Variants in ARMC2 observed in about 807,000 individuals in gnomAD.
ARMC2 encodes armadillo repeat containing 2, also known as armadillo repeat-containing protein 2.
A neutral mutation model predicts 90.3 loss-of-function variants in ARMC2; 67 were observed. The observed-to-expected ratio is 0.74, with a 90% CI of 0.61 to 0.91. The LOEUF is 0.91. ARMC2 is among the 40% of genes least tolerant of loss of function. ARMC2 has a pLI of 0.00. For missense variants in ARMC2, 920 were observed against 1,030.9 expected (o/e 0.89, Z 1.47); for synonymous variants, 393 against 393.0 (o/e 1.00, Z 0.00).
rs762972241 is a variant in ARMC2 at position 108,953,310 on chromosome 6, C to G, written c.1874C>G (p.Ala625Gly). Reference sequence around the variant, plus strand: ...CACCCGGGCGTGGGCCCGGTGCTGGCCGCCAACCCGGGGATAGTGGGCCTG... The same window carrying G: ...CACCCGGGCGTGGGCCCGGTGCTGGGCGCCAACCCGGGGATAGTGGGCCTG... Reference protein sequence around the residue: ...AIHPGVGPVLAANPGIVGLLL... With the variant: ...AIHPGVGPVLGANPGIVGLLL... Residue 625 changes from alanine to glycine, a missense_variant, in exon 13 of 18, where the codon GCC (alanine) becomes GGC (glycine). Transcript: ENST00000392644. 1.8e-5 allele frequency: 29 copies of G among 1,609,404 alleles called. No individual in the cohort carries two copies. Among genetic ancestry groups the G allele is most frequent in the Non-Finnish European group, 2.4e-5 (28 of 1,179,314 alleles).
the ARMC2 span, among the ~76,000 whole-genome samples, chr6:109,040,945 C>A: frequency 2.0e-5 from 3 of 152,008 alleles, no homozygotes; most frequent in Non-Finnish European, 2.9e-5. Context: ...AGCCACCGCA[C>A]CTGGCCCAAA....
chr6:108,919,932 T>C (rs1399624964), intron 10 of ARMC2, among the ~76,000 whole-genome samples: 1 of 152,220 alleles, frequency 6.6e-6, no homozygotes, highest in African/African-American at 2.4e-5. Context: ...GAACTAAGTA[T>C]AAATTCACAA....
the ARMC2 span, chr6:109,002,207 C>T: frequency 7.5e-7 from 1 of 1,339,022 alleles, no homozygotes; most frequent in Non-Finnish European, 1.1e-6. Flanking sequence ...TCTTCAGATG[C>T]CAACATGTGG....
intron 11 of ARMC2, among the ~76,000 whole-genome samples, chr6:108,934,761 T>C (rs1023353499): frequency 1.3e-5 from 2 of 152,214 alleles, no homozygotes; most frequent in African/African-American, 4.8e-5. Context: ...TAATTTTATC[T>C]AAGTTTTCAA....
chr6:109,026,724 C>T, the ARMC2 span, among the ~76,000 whole-genome samples: 907 of 152,076 alleles, frequency 6.0e-3, 6 homozygotes, highest in African/African-American at 0.02. Context: ...AGGATGGTCT[C>T]GATCTCTTGA....
At chr6:108,915,903 G>A (rs1313960785) in intron 10 of ARMC2, among the ~76,000 whole-genome samples, 3 of 152,198 alleles carry the variant, frequency 2.0e-5, no homozygotes, top group Non-Finnish European at 4.4e-5. Context: ...GCTGAAAAGT[G>A]ATGGGAGGAG....
At position 108,954,104 on chromosome 6, in the gene ARMC2, C is replaced by A. The variant is rs527561967; in HGVS notation, c.1915+753C>A. 5.3e-5 allele frequency among the ~76,000 whole-genome samples: 8 copies of A among 152,272 alleles called. No homozygotes were observed. The East Asian group carries it at 5.8e-4, about 11-fold the overall frequency. ...TCCTCTTTTTATAAAGTCACCAATC[C>A]TATCATATTAGGACCCTACCCTTAT... On this transcript the variant is annotated intron_variant, in intron 13 of 17. Transcript: ENST00000392644.
At chr6:109,008,600 G>C in the ARMC2 span, 1 of 175,110 alleles carries the variant, frequency 5.7e-6, no homozygotes, top group African/African-American at 2.4e-5. Context: ...TTCACATTTA[G>C]ATTTCTTGAA....
rs146630313 is a variant in ARMC2 at position 108,888,420 on chromosome 6, G to A, written c.672-6047G>A. ...CGAGGTCACACGGCTGTAAGTGGTCGGACCATGGGATTTAAACCATAGGAG... is the reference window on the plus strand; with the variant it reads ...CGAGGTCACACGGCTGTAAGTGGTCAGACCATGGGATTTAAACCATAGGAG... On this transcript the variant is annotated intron_variant, in intron 5 of 17. Coordinates refer to ENST00000392644, the MANE Select transcript of ARMC2 (RefSeq NM_032131.6). Among the ~76,000 whole-genome samples, 29 of 152,254 alleles carry A rather than the reference G, an allele frequency of 1.9e-4. 1 individual carries two copies. The East Asian group carries it at 4.1e-3, about 21-fold the overall frequency.
At chr6:108,994,577 G>A in the ARMC2 span, 1 of 1,612,508 alleles carries the variant, frequency 6.2e-7, no homozygotes, top group East Asian at 2.2e-5. Flanking sequence ...TCTTTTCCAT[G>A]AGGGCTTCAA....
chr6:108,950,425 A>G (rs138964042), intron 12 of ARMC2, among the ~76,000 whole-genome samples: 145 of 152,344 alleles, frequency 9.5e-4, no homozygotes, highest in African/African-American at 3.4e-3. Flanking sequence ...CATATACATC[A>G]TGGAATACCA....
At chr6:108,935,956 G>A (rs1388804949) in intron 11 of ARMC2, among the ~76,000 whole-genome samples, 1 of 152,108 alleles carries the variant, frequency 6.6e-6, no homozygotes, top group Non-Finnish European at 1.5e-5. Flanking sequence ...AATTTACTGA[G>A]ATTTATTTAT....
chr6:109,006,685 G>C, the ARMC2 span, among the ~76,000 whole-genome samples: 1 of 152,118 alleles, frequency 6.6e-6, no homozygotes, highest in Non-Finnish European at 1.5e-5. Flanking sequence ...TTATTATACA[G>C]TAGTAGTCTT....
chr6:109,025,369 C>T, the ARMC2 span, among the ~76,000 whole-genome samples: 2 of 151,244 alleles, frequency 1.3e-5, no homozygotes, highest in East Asian at 3.9e-4. Context: ...CCCCAGGTTC[C>T]AGTTAGAAAT....
intron 3 of ARMC2, among the ~76,000 whole-genome samples, chr6:108,867,040 A>G (rs1185606333): frequency 6.6e-6 from 1 of 152,112 alleles, no homozygotes; most frequent in Non-Finnish European, 1.5e-5. Flanking sequence ...TGAATTTCAC[A>G]CTGGATGTTT....
chr6:108,926,490 T>C (rs1366455687), intron 10 of ARMC2, among the ~76,000 whole-genome samples: 2 of 152,234 alleles, frequency 1.3e-5, no homozygotes, highest in Non-Finnish European at 2.9e-5. Flanking sequence ...TTTGGGAGGC[T>C]GAGGTGCTTG....
the ARMC2 span, chr6:108,986,546 C>CTGTT: frequency 3.3e-5 from 5 of 152,616 alleles, no homozygotes; most frequent in East Asian, 3.8e-4. Context: ...ATTTTCAAAC[C>CTGTT]TGTTTGCATT....
At position 108,855,250 on chromosome 6, in the gene ARMC2, CTT is replaced by C. The variant is rs1256172618; in HGVS notation, c.218+780_218+781del. On this transcript the variant is annotated intron_variant, in intron 2 of 17. Coordinates refer to ENST00000392644, the MANE Select transcript of ARMC2 (RefSeq NM_032131.6). The stretch of plus-strand genomic sequence containing the variant: ...ATAAGTTTTCTTTCTTTTTGTTTTT[CTT>C]TTTTTTTTTTTTTTGAGATGGTGTC... 4.3e-3 allele frequency among the ~76,000 whole-genome samples: 599 copies of C among 138,136 alleles called. 2 individuals are homozygous for C. The highest frequency in any genetic ancestry group is 0.014 in the African/African-American group (539 of 37,920). 90.6% of individuals were successfully genotyped at this position (138,136 alleles called of 152,430 possible).
At chr6:108,999,050 G>A in the ARMC2 span, 1 of 213,204 alleles carries the variant, frequency 4.7e-6, no homozygotes, top group Non-Finnish European at 9.4e-6. Flanking sequence ...TTCAGATGCT[G>A]GATTATGAAT....
Sources: allele counts gnomAD v4.1 joint callset (sites outside exome capture counted in the v4.1 genomes callset), GRCh38; gene constraint gnomAD v4.1.1; transcripts MANE v1.5; gene names NCBI Gene and HGNC (gene_info 2026-07-23, HGNC 2026-07-21).